HSD17B14: variants seen among roughly 807,000 people sequenced by gnomAD.
The protein encoded by HSD17B14 is hydroxysteroid 17-beta dehydrogenase 14.
In HSD17B14, 32 loss-of-function variants were observed where a neutral mutation model predicts 32.2. That is an observed-to-expected ratio of 0.99 (90% CI 0.75 to 1.33). The LOEUF (loss-of-function observed/expected upper bound fraction) is 1.33. Ranked by LOEUF, HSD17B14 falls within the 40% of genes most tolerant of loss-of-function variation. The pLI is 0.00. For synonymous variants in HSD17B14, 140 were observed against 155.4 expected (o/e 0.90, Z 0.74); for missense variants, 370 against 366.5 (o/e 1.01, Z -0.08).
At chr19:48,820,182 C>T (rs901867881) in intron 5 of HSD17B14, among the ~76,000 whole-genome samples, 2 of 151,182 alleles carry the variant, frequency 1.3e-5, no homozygotes, top group African/African-American at 2.4e-5. Context: ...CGAAAAAGAA[C>T]GTTGCCTGAG....
chr19:48,822,856 T>C (rs1046663116), intron 5 of HSD17B14, among the ~76,000 whole-genome samples: 2 of 151,894 alleles, frequency 1.3e-5, no homozygotes, highest in Non-Finnish European at 2.9e-5. Flanking sequence ...TTGATGGTGA[T>C]GGTGGTGATG....
chr19:48,815,288 T>G, intron 5 of HSD17B14, 147 bp from the exon 6 acceptor site: 1 of 656,442 alleles, frequency 1.5e-6, no homozygotes, highest in East Asian at 2.8e-5. Flanking sequence ...AGAGACGGCA[T>G]CTAACATAAC....
chr19:48,822,054 GATGGTGATGATTGTGGTAACA>G (rs963783295), intron 5 of HSD17B14, among the ~76,000 whole-genome samples: 1 of 137,938 alleles, frequency 7.2e-6, no homozygotes, highest in Non-Finnish European at 1.5e-5. Context: ...TTGTGGTGAT[GATGGTGATGATTGTGGTAACA>G]ATGGTGATGG....
intron 3 of HSD17B14, among the ~76,000 whole-genome samples, chr19:48,833,631 A>C (rs1243964640): frequency 1.3e-5 from 2 of 152,082 alleles, no homozygotes; most frequent in Non-Finnish European, 2.9e-5. Flanking sequence ...GTTCGAGACC[A>C]GCCTGACCAA....
Position 48,836,408 on chromosome 19 carries a change from C to T in HSD17B14, c.4G>A (p.Ala2Thr). 3.7e-6 allele frequency: 6 copies of T among 1,613,362 alleles called. No individual in the cohort carries two copies. Among genetic ancestry groups the T allele is most frequent in the Non-Finnish European group, 5.1e-6 (6 of 1,179,988 alleles). The stretch of plus-strand genomic sequence containing the variant: ...TTCCCGGCATAGCGCGTTCCCGTAG[C>T]CATCCCGTGTACGTCGGTCTCTCTC... MATGTRYAGKVV... is the reference protein window; with the variant it reads MTTGTRYAGKVV... The change falls in exon 1 of 9, where the codon GCT becomes ACT. Residue 2 changes from alanine to threonine, a missense_variant. Physicochemically the swap from Ala to Thr is moderately conservative, Grantham distance 58. Coordinates refer to ENST00000263278, the MANE Select transcript of HSD17B14 (RefSeq NM_016246.3).
chr19:48,813,386 C>T (rs1239293811), intron 8 of HSD17B14, 38 bp from the exon 9 acceptor site: 1 of 1,555,032 alleles, frequency 6.4e-7, no homozygotes, highest in Non-Finnish European at 8.7e-7. Flanking sequence ...TCAAGAGGAG[C>T]CCCACTTGAT....
intron 3 of HSD17B14, among the ~76,000 whole-genome samples, chr19:48,833,775 G>A (rs375924811): frequency 3.2e-4 from 49 of 151,140 alleles, no homozygotes; most frequent in Non-Finnish European, 8.8e-5. Context: ...GCGGTGAGCC[G>A]AGATCACACC....
At chr19:48,830,112 C>T (rs770879924) in intron 5 of HSD17B14, among the ~76,000 whole-genome samples, 16 of 152,102 alleles carry the variant, frequency 1.1e-4, no homozygotes, top group Non-Finnish European at 1.9e-4. Flanking sequence ...TTGACTCTCC[C>T]TTAGGTGAGC....
intron 5 of HSD17B14, among the ~76,000 whole-genome samples, chr19:48,818,357 T>C (rs966920950): frequency 6.6e-6 from 1 of 150,390 alleles, no homozygotes; most frequent in Admixed American, 6.6e-5. Flanking sequence ...TGCTCTAATA[T>C]GAACGTGAAT....
intron 3 of HSD17B14, 31 bp downstream of exon 3, chr19:48,834,245 A>G: frequency 6.4e-7 from 1 of 1,556,018 alleles, no homozygotes; most frequent in Non-Finnish European, 8.9e-7. Flanking sequence ...TCATTAGCGG[A>G]GATGGGGGTA....
chr19:48,816,617 G>C (rs893522925), intron 5 of HSD17B14, among the ~76,000 whole-genome samples: 3 of 152,000 alleles, frequency 2.0e-5, no homozygotes, highest in African/African-American at 7.2e-5. Flanking sequence ...ACCCTGATCC[G>C]AGGTCACCTC....
At chr19:48,834,025 A>G (rs957266234) in intron 3 of HSD17B14, among the ~76,000 whole-genome samples, 1 of 152,112 alleles carries the variant, frequency 6.6e-6, no homozygotes, top group Non-Finnish European at 1.5e-5. Flanking sequence ...ACTTTGAGGG[A>G]CTTATTCATT....
intron 5 of HSD17B14, among the ~76,000 whole-genome samples, chr19:48,816,309 C>G (rs2035050730): frequency 6.6e-6 from 1 of 152,160 alleles, no homozygotes; most frequent in Non-Finnish European, 1.5e-5. Flanking sequence ...AGCTCCCTGC[C>G]CGGTTCCCCC....
At chr19:48,832,335 C>T (rs1282703026) in intron 4 of HSD17B14, among the ~76,000 whole-genome samples, 3 of 142,618 alleles carry the variant, frequency 2.1e-5, no homozygotes, top group Non-Finnish European at 4.6e-5. Context: ...GCTGAGATCA[C>T]ACCACTGCAC....
intron 5 of HSD17B14, among the ~76,000 whole-genome samples, chr19:48,824,465 G>A (rs982561528): frequency 6.7e-6 from 1 of 149,810 alleles, no homozygotes; most frequent in African/African-American, 2.5e-5. Context: ...AGGGAGGAAG[G>A]AAGAAAGAGA....
Position 48,813,329 on chromosome 19 carries a change from T to G in HSD17B14, c.659A>C (p.Gln220Pro), listed in dbSNP as rs1367439555. Residue 220 changes from glutamine to proline, a missense_variant, in exon 9 of 9, where the codon CAG becomes CCG. Physicochemically the swap from Gln to Pro is moderately conservative, Grantham distance 76. Transcript: ENST00000263278. The stretch of plus-strand genomic sequence containing the variant: ...TGCCGCAGCCCCGACCTCAGCGGGC[T>G]GGCCCATGCGGCCCAGTGGCTGGGG... ...MLAQPLGRMG[Q>P]PAEVGAAAVF... 6.3e-7 allele frequency: 1 copy of G among 1,589,358 alleles called. No individual in the cohort carries two copies. Among genetic ancestry groups the G allele is most frequent in the Middle Eastern group, 1.7e-4 (1 of 6,046 alleles).
At chr19:48,822,672 A>G (rs2035180156) in intron 5 of HSD17B14, among the ~76,000 whole-genome samples, 1 of 150,278 alleles carries the variant, frequency 6.7e-6, no homozygotes, top group East Asian at 2.0e-4. Context: ...GGTGATGATG[A>G]TGGTGGTGAT....
chr19:48,825,874 G>A (rs1287279831), intron 5 of HSD17B14, among the ~76,000 whole-genome samples: 3 of 152,008 alleles, frequency 2.0e-5, no homozygotes, highest in Non-Finnish European at 2.9e-5. Context: ...AGGCTGGAGT[G>A]CAGTGGCGCG....
intron 4 of HSD17B14, 125 bp from the exon 5 acceptor site, chr19:48,831,884 C>T (rs1304373461): frequency 1.6e-6 from 1 of 623,510 alleles, no homozygotes; most frequent in African/African-American, 1.9e-5. Flanking sequence ...TCAAGACCAA[C>T]CTGGCTGACA....
Sources: allele counts gnomAD v4.1 joint callset (sites outside exome capture counted in the v4.1 genomes callset), GRCh38; gene constraint gnomAD v4.1.1; transcripts MANE v1.5; gene names NCBI Gene and HGNC (gene_info 2026-07-23, HGNC 2026-07-21).